RTN2: variants seen among roughly 807,000 people sequenced by gnomAD.
RTN2 encodes the protein reticulon-2.
A neutral mutation model predicts 63.7 loss-of-function variants in RTN2; 36 were observed. The ratio of observed to expected loss-of-function variants is 0.56; its 90% CI spans 0.43 to 0.75. RTN2 has a LOEUF of 0.75. Ranked by LOEUF, RTN2 falls within the 30% of genes least tolerant of loss-of-function variation. The pLI, the probability that RTN2 is intolerant of heterozygous loss-of-function variation, is 0.00. For synonymous variants in RTN2, 312 were observed against 313.0 expected, an observed-to-expected ratio of 1.00 and a Z score of 0.03; for missense variants, 673 against 705.1, an observed-to-expected ratio of 0.95 and a Z score of 0.52.
chr19:45,493,509 G>A (rs1968206140), intron 4 of RTN2, 131 bp from the exon 5 acceptor site: 4 of 706,164 alleles, frequency 5.7e-6, no homozygotes, highest in Non-Finnish European at 9.5e-6. Context: ...GCCCAGGCTG[G>A]TCTTGCACTC....
At chr19:45,489,673 T>G in intron 5 of RTN2, 120 bp from the exon 6 acceptor site, 1 of 645,478 alleles carries the variant, frequency 1.5e-6, no homozygotes, top group Non-Finnish European at 2.6e-6. Flanking sequence ...ATAACCTGAT[T>G]TCCTTTTTTT....
intron 5 of RTN2, among the ~76,000 whole-genome samples, chr19:45,491,313 G>A (rs1051862539): frequency 2.5e-4 from 37 of 147,930 alleles, no homozygotes; most frequent in African/African-American, 9.3e-4. Flanking sequence ...CTCCTACCTC[G>A]GCCTCCTAGC....
At position 45,493,126 on chromosome 19, in the gene RTN2, C is replaced by T. The variant is rs1968196579; in HGVS notation, c.1033+34G>A. 3.1e-6 allele frequency: 5 copies of T among 1,596,900 alleles called. No individual in the cohort carries two copies. In the African/African-American group the frequency reaches 6.7e-5, roughly 21 times the overall value. On this transcript the variant is annotated intron_variant, in intron 5 of 10. Transcript: ENST00000245923. Reference sequence around the variant, plus strand: ...CGAGTTTGGACCCCGTTCCGCCGACCTCAGCCCCCGTCCAGCCCGTTCCGC... The same window carrying T: ...CGAGTTTGGACCCCGTTCCGCCGACTTCAGCCCCCGTCCAGCCCGTTCCGC...
At chr19:45,487,746 A>G (rs1968058477) in intron 9 of RTN2, among the ~76,000 whole-genome samples, 1 of 151,512 alleles carries the variant, frequency 6.6e-6, no homozygotes, top group South Asian at 2.1e-4. Flanking sequence ...GTTGGAGACC[A>G]GCCTGGCCAG....
At chr19:45,490,767 G>C (rs1026648768) in intron 5 of RTN2, among the ~76,000 whole-genome samples, 1 of 151,644 alleles carries the variant, frequency 6.6e-6, no homozygotes, top group East Asian at 1.9e-4. Context: ...GGTAGAGATG[G>C]GGTTTCACCA....
At chr19:45,496,327 C>A (rs951196527) in intron 1 of RTN2, among the ~76,000 whole-genome samples, 3 of 152,342 alleles carry the variant, frequency 2.0e-5, no homozygotes, top group South Asian at 4.1e-4. Flanking sequence ...GCTGTTTTCC[C>A]GGGACAGGGT....
intron 1 of RTN2, 60 bp downstream of exon 1, chr19:45,496,732 G>A (rs1968279785): frequency 1.6e-6 from 2 of 1,221,224 alleles, no homozygotes; most frequent in Non-Finnish European, 2.2e-6. Flanking sequence ...AGGGGACACC[G>A]GGGAGTACCC....
At chr19:45,495,844 G>A (rs1353556466) in intron 1 of RTN2, among the ~76,000 whole-genome samples, 1 of 152,160 alleles carries the variant, frequency 6.6e-6, no homozygotes, top group African/African-American at 2.4e-5. Flanking sequence ...AGGGCGGTGG[G>A]GAGAGACAGA....
chr19:45,485,751 G>T lies in RTN2; in HGVS notation c.1595C>A (p.Ser532Tyr). ...GGATCCGGAGACTGCGGCTGCTGCAGAGGCCAGGGCTCCGGTCCCTGGGAT... is the reference window on the plus strand; with the variant it reads ...GGATCCGGAGACTGCGGCTGCTGCATAGGCCAGGGCTCCGGTCCCTGGGAT... ...AKIPGTGALASAAAAVSGSKA... is the reference protein window; with the variant it reads ...AKIPGTGALAYAAAAVSGSKA... Residue 532 changes from serine to tyrosine, a missense_variant, in exon 11 of 11, where the codon TCT (serine) becomes TAT (tyrosine). Coordinates refer to ENST00000245923, the MANE Select transcript of RTN2 (RefSeq NM_005619.5). 1 of 1,614,128 alleles carries T rather than the reference G, an allele frequency of 6.2e-7. No homozygotes were observed. Among genetic ancestry groups the T allele is most frequent in the Non-Finnish European group, 8.5e-7 (1 of 1,180,014 alleles).
intron 5 of RTN2, among the ~76,000 whole-genome samples, chr19:45,492,150 G>A (rs558813592): frequency 1.1e-4 from 17 of 152,060 alleles, no homozygotes; most frequent in African/African-American, 3.1e-4. Context: ...TATTAATCAC[G>A]CCATACTCCT....
chr19:45,496,170 T>C (rs1968264520), intron 1 of RTN2, among the ~76,000 whole-genome samples: 1 of 152,076 alleles, frequency 6.6e-6, no homozygotes, highest in Non-Finnish European at 1.5e-5. Flanking sequence ...GGTTTGGAAA[T>C]TGAAATCTGA....
At chr19:45,485,850 G>T in intron 10 of RTN2, 61 bp from the exon 11 acceptor site, 1 of 1,393,202 alleles carries the variant, frequency 7.2e-7, no homozygotes, top group Non-Finnish European at 1.0e-6. Context: ...GGCATCTGGG[G>T]ACAACGGGGA....
Position 45,494,435 on chromosome 19 carries a change from A to G in RTN2, c.560-15T>C, listed in dbSNP as rs747706464. On this transcript the variant is annotated splice_polypyrimidine_tract_variant and intron_variant, in intron 3 of 10. Coordinates refer to ENST00000245923, the MANE Select transcript of RTN2 (RefSeq NM_005619.5). This position sits in a 1 kb window ranked among gnomAD's most constrained non-coding sequence, Gnocchi z 5.3. ...TAGGTCCAGTTCTGATACGGTAGAG[A>G]GAGGAGGCCGTGAGCTTTCTTCTTG... 46 of 1,606,834 alleles carry G rather than the reference A, an allele frequency of 2.9e-5. No individual in the cohort carries two copies. In the Middle Eastern group the frequency reaches 1.7e-3, roughly 58 times the overall value.
At chr19:45,490,769 G>A (rs958994056) in intron 5 of RTN2, among the ~76,000 whole-genome samples, 3 of 151,606 alleles carry the variant, frequency 2.0e-5, no homozygotes, top group Non-Finnish European at 2.9e-5. Context: ...TAGAGATGGG[G>A]TTTCACCATG....
chr19:45,495,814 G>A lies in RTN2; in HGVS notation c.35-675C>T, dbSNP rs553055174. ...GAGTGACTGAGGAGGAGAGGAGTGG[G>A]AGGTGAGAACAGAGAGGTAAGGGCG... On this transcript the variant is annotated intron_variant, in intron 1 of 10. Coordinates refer to ENST00000245923, the MANE Select transcript of RTN2 (RefSeq NM_005619.5). 5.3e-5 allele frequency among the ~76,000 whole-genome samples: 8 copies of A among 152,334 alleles called. No individual in the cohort carries two copies. The South Asian group carries it at 1.7e-3, about 32-fold the overall frequency.
In RTN2 at chr19:45,494,164, A is replaced by G. The variant is rs781293454; in HGVS notation, c.814+2T>C. On this transcript the variant is annotated splice_donor_variant, in intron 4 of 10. Transcript: ENST00000245923. LOFTEE classifies it high-confidence loss of function. This position sits in a 1 kb window ranked among gnomAD's most constrained non-coding sequence, Gnocchi z 5.3. ...TGCAGCATCTTCATACACGTTGCTT[A>G]CCTAGAAGGCGTGGCTCCACCGTGA... is the stretch of plus-strand genomic sequence containing the variant. 1 of 1,600,598 alleles carries G rather than the reference A, an allele frequency of 6.2e-7. No individual in the cohort carries two copies. The highest frequency in any genetic ancestry group is 8.5e-7 in the Non-Finnish European group (1 of 1,179,620).
At chr19:45,490,601 G>A (rs146480788) in intron 5 of RTN2, among the ~76,000 whole-genome samples, 234 of 150,148 alleles carry the variant, frequency 1.6e-3, no homozygotes, top group Non-Finnish European at 2.9e-3. Flanking sequence ...TTTTGAGACG[G>A]ATTCTCGCTC....
At chr19:45,489,223 G>T in intron 6 of RTN2, 123 bp downstream of exon 6, 1 of 980,198 alleles carries the variant, frequency 1.0e-6, no homozygotes, top group Non-Finnish European at 1.5e-6. Flanking sequence ...TAGGTTAGGG[G>T]ATCGGGATGA....
At position 45,485,739 on chromosome 19, in the gene RTN2, G is replaced by A. The variant is rs140567426; in HGVS notation, c.1607C>T (p.Ala536Val). The part of the protein sequence containing the change: ...GTGALASAAA[A>V]VSGSKAKAE ...GGCTTTGGCTTTGGATCCGGAGACT[G>A]CGGCTGCTGCAGAGGCCAGGGCTCC... The change falls in exon 11 of 11, where the codon GCA becomes GTA. Residue 536 changes from alanine to valine, a missense_variant. Coordinates refer to ENST00000245923, the MANE Select transcript of RTN2 (RefSeq NM_005619.5). The A allele has an allele frequency of 5.8e-5, 94 of 1,614,116 alleles. No homozygotes were observed. In the African/African-American group the frequency reaches 1.1e-3, roughly 19 times the overall value.
Sources: allele counts gnomAD v4.1 joint callset (sites outside exome capture counted in the v4.1 genomes callset), GRCh38; gene constraint gnomAD v4.1.1; non-coding constraint Gnocchi (gnomAD v3.1); transcripts MANE v1.5; gene names NCBI Gene and HGNC (gene_info 2026-07-23, HGNC 2026-07-21).